Variants in KCNH5 observed in about 807,000 individuals in gnomAD.
The protein encoded by KCNH5 is potassium voltage-gated channel subfamily H member 5.
In KCNH5, 46 loss-of-function variants were observed where a neutral mutation model predicts 96.1. The observed-to-expected ratio is 0.48, with a 90% confidence interval of 0.38 to 0.61. The LOEUF (loss-of-function observed/expected upper bound fraction) is 0.61, where lower values mean the gene tolerates loss of function less well. Among genes scored for constraint, KCNH5 ranks in the 20% least tolerant of loss-of-function variants. The probability of loss-of-function intolerance (pLI) is 0.00; values close to 1 mark genes in which losing one functional copy is unlikely to be tolerated. For missense variants in KCNH5, 907 were observed against 1,225.8 expected, an observed-to-expected ratio of 0.74 and a Z score of 3.88; for synonymous variants, 439 against 449.8, an observed-to-expected ratio of 0.98 and a Z score of 0.30.
At chr14:62,868,102 AATC>A (rs1453105911) in intron 7 of KCNH5, among the ~76,000 whole-genome samples, 2 of 152,270 alleles carry the variant, frequency 1.3e-5, no homozygotes, top group South Asian at 2.1e-4. Context: ...AGAATGAACA[AATC>A]AATCATTGAG....
chr14:62,996,478 T>A (rs1488570021), intron 4 of KCNH5, among the ~76,000 whole-genome samples: 2 of 152,200 alleles, frequency 1.3e-5, no homozygotes, highest in Non-Finnish European at 2.9e-5. Context: ...TTTACATGTC[T>A]ATCAAACTCA....
At chr14:62,715,749 A>G (rs1884671579) in intron 10 of KCNH5, among the ~76,000 whole-genome samples, 1 of 151,886 alleles carries the variant, frequency 6.6e-6, no homozygotes, top group East Asian at 1.9e-4. Context: ...TTTTTGAAGA[A>G]TTAATTAATT....
chr14:62,909,032 A>ATT lies in KCNH5; in HGVS notation c.1369+41099_1369+41100dup, dbSNP rs58920666. Reference sequence around the variant, plus strand: ...AAACATAGAAAACACTATGCTACGTATTTTTTTTTTTTTTTTTTTTTTTTT... The same window carrying ATT: ...AAACATAGAAAACACTATGCTACGTATTTTTTTTTTTTTTTTTTTTTTTTTTT... On this transcript the variant is annotated intron_variant, in intron 7 of 10. Coordinates refer to ENST00000322893, the MANE Select transcript of KCNH5 (RefSeq NM_139318.5). Among the ~76,000 whole-genome samples the ATT allele has an allele frequency of 2.7e-3, 158 of 57,922 alleles. 11 individuals are homozygous for ATT. Among genetic ancestry groups the ATT allele is most frequent in the Middle Eastern group, 0.015 (1 of 68 alleles). 38.0% of individuals were successfully genotyped at this position (57,922 alleles called of 152,430 possible). A position where few individuals can be genotyped will look rare whatever the true frequency, so the allele number is the denominator to read the frequency against.
intron 8 of KCNH5, among the ~76,000 whole-genome samples, chr14:62,811,324 C>T (rs1409119195): frequency 2.6e-5 from 4 of 152,096 alleles, no homozygotes; most frequent in Non-Finnish European, 5.9e-5. Context: ...GCATACAGGG[C>T]TCTTTATGGT....
At chr14:62,923,342 A>T (rs1239189515) in intron 7 of KCNH5, among the ~76,000 whole-genome samples, 1 of 151,958 alleles carries the variant, frequency 6.6e-6, no homozygotes, top group Non-Finnish European at 1.5e-5. Context: ...AAATGGAAAG[A>T]CATCCCATGT....
intron 9 of KCNH5, among the ~76,000 whole-genome samples, chr14:62,783,732 A>G (rs1886265200): frequency 6.6e-6 from 1 of 152,124 alleles, no homozygotes. Flanking sequence ...AGCTATGGCA[A>G]TTGTAAAAAT....
At chr14:62,783,702 TA>T (rs771857056) in intron 9 of KCNH5, among the ~76,000 whole-genome samples, 46 of 152,146 alleles carry the variant, frequency 3.0e-4, no homozygotes, top group Non-Finnish European at 4.6e-4. Context: ...TAGATTTTTT[TA>T]AAACCCTATA....
chr14:62,957,364 G>A (rs1890123606), intron 6 of KCNH5, among the ~76,000 whole-genome samples: 1 of 152,142 alleles, frequency 6.6e-6, no homozygotes, highest in Non-Finnish European at 1.5e-5. Flanking sequence ...TCTTGTCCAA[G>A]GACACGTTGC....
At chr14:62,882,410 C>T (rs1388114480) in intron 7 of KCNH5, among the ~76,000 whole-genome samples, 1 of 152,192 alleles carries the variant, frequency 6.6e-6, no homozygotes, top group Non-Finnish European at 1.5e-5. Flanking sequence ...TTTCTATGCT[C>T]CAAGACATGC....
chr14:62,993,398 T>C (rs1890849287), intron 4 of KCNH5, among the ~76,000 whole-genome samples: 1 of 152,022 alleles, frequency 6.6e-6, no homozygotes, highest in Non-Finnish European at 1.5e-5. Flanking sequence ...GTAGATTGCT[T>C]TGGACAAAAT....
intron 1 of KCNH5, among the ~76,000 whole-genome samples, chr14:63,027,821 TA>T (rs1490136549): frequency 6.6e-6 from 1 of 152,068 alleles, no homozygotes. Context: ...ATCTAACAAA[TA>T]GTGTTTTTCA....
intron 7 of KCNH5, among the ~76,000 whole-genome samples, chr14:62,886,088 A>T (rs1190170080): frequency 1.3e-5 from 2 of 151,060 alleles, no homozygotes; most frequent in East Asian, 3.9e-4. Flanking sequence ...CATGCTGAAC[A>T]CTTCTCTCCT....
At chr14:62,993,746 C>T (rs74058747) in intron 4 of KCNH5, among the ~76,000 whole-genome samples, 9,126 of 152,074 alleles carry the variant, frequency 0.06, 440 homozygotes, top group African/African-American at 0.13. Flanking sequence ...AGAAAAAAGA[C>T]GTATCAGCAG....
At chr14:62,778,888 T>C (rs1886151398) in intron 10 of KCNH5, among the ~76,000 whole-genome samples, 2 of 152,258 alleles carry the variant, frequency 1.3e-5, no homozygotes, top group African/African-American at 4.8e-5. Context: ...TCTATGTTGC[T>C]ACAGTATAGA....
chr14:62,860,127 C>T (rs1033838426), intron 7 of KCNH5, among the ~76,000 whole-genome samples: 1 of 152,172 alleles, frequency 6.6e-6, no homozygotes, highest in Non-Finnish European at 1.5e-5. Flanking sequence ...GACTTGATTA[C>T]CCATAGTCAA....
At chr14:62,789,967 GTCA>G (rs1467033619) in intron 9 of KCNH5, among the ~76,000 whole-genome samples, 1 of 151,720 alleles carries the variant, frequency 6.6e-6, no homozygotes, top group Non-Finnish European at 1.5e-5. Flanking sequence ...TATCCAAAAA[GTCA>G]TTGCCAAGGC....
At chr14:62,815,327 T>G (rs1232316874) in intron 8 of KCNH5, among the ~76,000 whole-genome samples, 6 of 152,134 alleles carry the variant, frequency 3.9e-5, no homozygotes, top group Non-Finnish European at 7.4e-5. Flanking sequence ...ACTTCTGGGG[T>G]TCTGATAATA....
intron 7 of KCNH5, among the ~76,000 whole-genome samples, chr14:62,918,124 T>C (rs1222595362): frequency 6.6e-6 from 1 of 152,174 alleles, no homozygotes; most frequent in Non-Finnish European, 1.5e-5. Flanking sequence ...TCTCTTTGCC[T>C]CATTTTCCTC....
chr14:63,000,881 C>G (rs545724705), intron 4 of KCNH5, among the ~76,000 whole-genome samples: 4 of 152,228 alleles, frequency 2.6e-5, no homozygotes, highest in African/African-American at 9.6e-5. Context: ...TTGAAACCAG[C>G]CTGGGCAACA....
Sources: gnomAD v4.1 joint callset for allele counts (sites outside exome capture counted in the v4.1 genomes callset) on GRCh38, gnomAD v4.1.1 for gene constraint, MANE v1.5 for transcripts, NCBI Gene and HGNC (gene_info 2026-07-23, HGNC 2026-07-21) for gene names.